TBL1XR1: variants seen among roughly 807,000 people sequenced by gnomAD.
TBL1XR1 encodes F-box-like/WD repeat-containing protein TBL1XR1.
TBL1XR1 carries 5 observed loss-of-function variants against 66.9 expected under a neutral mutation model. The observed-to-expected ratio is 0.07, with a 90% CI of 0.04 to 0.16. The LOEUF is 0.16. Among genes scored for constraint, TBL1XR1 ranks in the 10% least tolerant of loss-of-function variants. The probability of loss-of-function intolerance (pLI) is 1.00; values close to 1 mark genes in which losing one functional copy is unlikely to be tolerated. For synonymous variants in TBL1XR1, 210 were observed against 206.0 expected (o/e 1.02, Z -0.17); for missense variants, 238 against 623.2 (o/e 0.38, Z 6.58).
intron 2 of TBL1XR1, among the ~76,000 whole-genome samples, chr3:177,097,250 A>G (rs1723612726): frequency 6.6e-6 from 1 of 152,224 alleles, no homozygotes; most frequent in East Asian, 1.9e-4. Context: ...AATTGTTGGT[A>G]ATGAACTACA....
At chr3:177,103,255 A>ACT (rs1190617137) in intron 1 of TBL1XR1, among the ~76,000 whole-genome samples, 3 of 152,190 alleles carry the variant, frequency 2.0e-5, no homozygotes, top group African/African-American at 7.2e-5. Flanking sequence ...TTAACAAGAA[A>ACT]CTCAAGAAGT....
At chr3:177,120,001 T>A (rs569462233) in intron 1 of TBL1XR1, among the ~76,000 whole-genome samples, 1 of 152,302 alleles carries the variant, frequency 6.6e-6, no homozygotes, top group Admixed American at 6.5e-5. Flanking sequence ...CTAGTTATAC[T>A]CCAGCAGGTG....
chr3:177,059,422 T>G (rs915442635), intron 3 of TBL1XR1, among the ~76,000 whole-genome samples: 1 of 152,224 alleles, frequency 6.6e-6, no homozygotes, highest in African/African-American at 2.4e-5. Context: ...ATGTTATACA[T>G]AAAGGTTAGT....
chr3:177,119,353 G>A lies in TBL1XR1; in HGVS notation c.-121-20812C>T, dbSNP rs1726706676. On this transcript the variant is annotated intron_variant, in intron 1 of 15. Coordinates refer to ENST00000457928, the MANE Select transcript of TBL1XR1 (RefSeq NM_024665.7). ...TTACACCCTACCCAATTTGATCCTG[G>A]AACCTTTTCCACAACTTGTCATAAA... Among the ~76,000 whole-genome samples, 5 of 152,106 alleles carry A rather than the reference G, an allele frequency of 3.3e-5. No homozygotes were observed. The South Asian group carries it at 1.0e-3, about 31-fold the overall frequency.
intron 12 of TBL1XR1, chr3:177,037,633 T>G (rs1311992933): frequency 6.4e-6 from 1 of 156,502 alleles, no homozygotes; most frequent in East Asian, 1.9e-4. Flanking sequence ...GGACTGGGAC[T>G]TACACCATTG....
At position 177,025,455 on chromosome 3, in the gene TBL1XR1, A is replaced by G; in HGVS notation, c.*43T>C. The G allele has an allele frequency of 6.2e-7, 1 of 1,609,246 alleles. No individual in the cohort carries two copies. Among genetic ancestry groups the G allele is most frequent in the Non-Finnish European group, 8.5e-7 (1 of 1,177,406 alleles). On this transcript the variant is annotated 3_prime_UTR_variant, in exon 16 of 16. Transcript: ENST00000457928. ...TGGGTCAGGGACAGTCATTTTGGCT[A>G]TGTACACATTCATAGTCGGTCCATG... is the stretch of plus-strand genomic sequence containing the variant.
chr3:177,156,111 A>G (rs956545208), intron 1 of TBL1XR1, among the ~76,000 whole-genome samples: 7 of 148,656 alleles, frequency 4.7e-5, no homozygotes, highest in African/African-American at 1.7e-4. Flanking sequence ...AAAAACAGAA[A>G]CCATTAAAAA....
intron 1 of TBL1XR1, among the ~76,000 whole-genome samples, chr3:177,134,967 C>CTGTGTG (rs796736140): frequency 1.4e-5 from 2 of 138,144 alleles, no homozygotes; most frequent in Admixed American, 7.3e-5. Flanking sequence ...GTGTGTGTGT[C>CTGTGTG]TGTGTGTGTG....
chr3:177,146,305 G>C (rs1350571758), intron 1 of TBL1XR1, among the ~76,000 whole-genome samples: 3 of 151,926 alleles, frequency 2.0e-5, no homozygotes, highest in Non-Finnish European at 4.4e-5. Context: ...TTTGTTTTGA[G>C]ATGGGAGTTT....
intron 1 of TBL1XR1, among the ~76,000 whole-genome samples, chr3:177,165,036 G>A (rs12496898): frequency 0.5 from 75,790 of 151,652 alleles, 19,745 homozygotes; most frequent in Non-Finnish European, 0.57. Context: ...CTTCTTTCTC[G>A]TATCTAAAAA....
intron 15 of TBL1XR1, among the ~76,000 whole-genome samples, chr3:177,025,789 G>GA (rs1203793061): frequency 2.6e-5 from 4 of 152,072 alleles, no homozygotes; most frequent in African/African-American, 9.7e-5. Flanking sequence ...AAAGGAGGGG[G>GA]AAAATGCTCA....
At chr3:177,047,213 T>C (rs1435193286) in intron 9 of TBL1XR1, 87 bp downstream of exon 9, 3 of 1,082,068 alleles carry the variant, frequency 2.8e-6, no homozygotes, top group South Asian at 1.7e-5. Flanking sequence ...AATAGGAATG[T>C]TTATGTAATT....
At chr3:177,183,725 A>G (rs1200555004) in intron 1 of TBL1XR1, among the ~76,000 whole-genome samples, 1 of 151,964 alleles carries the variant, frequency 6.6e-6, no homozygotes, top group Non-Finnish European at 1.5e-5. Context: ...TCAGCCTCCC[A>G]AAGTGCTGGG....
chr3:177,041,441 C>T (rs7633493), intron 10 of TBL1XR1, among the ~76,000 whole-genome samples: 53,816 of 151,970 alleles, frequency 0.35, 9,823 homozygotes, highest in East Asian at 0.5. Context: ...TTCTTCCCTC[C>T]CCCCCATCCT....
At chr3:177,134,473 T>C (rs1426573673) in intron 1 of TBL1XR1, among the ~76,000 whole-genome samples, 2 of 152,216 alleles carry the variant, frequency 1.3e-5, no homozygotes, top group Admixed American at 6.5e-5. Flanking sequence ...TCCCTAAGAA[T>C]GTGTTACATT....
At chr3:177,135,508 C>T (rs11720777) in intron 1 of TBL1XR1, among the ~76,000 whole-genome samples, 115,119 of 149,010 alleles carry the variant, frequency 0.77, 44,775 homozygotes, top group East Asian at 0.89. Flanking sequence ...CTCAGCCTCC[C>T]GAGTAGCTGG....
chr3:177,043,533 T>C (rs1715892913), intron 10 of TBL1XR1, among the ~76,000 whole-genome samples: 1 of 152,172 alleles, frequency 6.6e-6, no homozygotes, highest in Non-Finnish European at 1.5e-5. Flanking sequence ...TACACTTGAT[T>C]AGTGATAGCA....
intron 3 of TBL1XR1, among the ~76,000 whole-genome samples, chr3:177,055,885 G>A (rs1306378156): frequency 6.6e-6 from 1 of 152,182 alleles, no homozygotes; most frequent in Non-Finnish European, 1.5e-5. Flanking sequence ...CCATATGCTA[G>A]ATACTGTGTA....
At chr3:177,046,256 T>G (rs1716313179) in intron 9 of TBL1XR1, 67 bp from the exon 10 acceptor site, 1 of 1,151,586 alleles carries the variant, frequency 8.7e-7, no homozygotes, top group African/African-American at 1.6e-5. Context: ...GTAAAGTATA[T>G]GCCTAACTGT....
Sources: allele counts gnomAD v4.1 joint callset (sites outside exome capture counted in the v4.1 genomes callset), GRCh38; gene constraint gnomAD v4.1.1; transcripts MANE v1.5; gene names NCBI Gene and HGNC (gene_info 2026-07-23, HGNC 2026-07-21).